The following ATOSA variants were observed in gnomAD, a reference collection of about 807,000 sequenced individuals.
The protein encoded by ATOSA is atos homolog protein A.
At chr15:52,688,426 A>G in the ATOSA span, among the ~76,000 whole-genome samples, 5 of 152,196 alleles carry the variant, frequency 3.3e-5, no homozygotes, top group Non-Finnish European at 7.4e-5. Context: ...TTTAGGAGGT[A>G]GAAGTGATAG....
At chr15:52,700,167 G>A in the ATOSA span, among the ~76,000 whole-genome samples, 1 of 152,082 alleles carries the variant, frequency 6.6e-6, no homozygotes, top group Non-Finnish European at 1.5e-5. Flanking sequence ...ACAACTCTAT[G>A]ATCTTCTTGG....
chr15:52,620,845 G>A, the ATOSA span, among the ~76,000 whole-genome samples: 1 of 152,194 alleles, frequency 6.6e-6, no homozygotes, highest in Admixed American at 6.5e-5. Context: ...GGCAGAGGAA[G>A]GAGGATCACT....
At chr15:52,649,672 T>A in the ATOSA span, 1 of 152,078 alleles carries the variant, frequency 6.6e-6, no homozygotes, top group African/African-American at 2.4e-5. Context: ...TTTAAAGATA[T>A]GACATAGACA....
chr15:52,639,410 C>A, the ATOSA span, among the ~76,000 whole-genome samples: 2 of 152,158 alleles, frequency 1.3e-5, no homozygotes, highest in Admixed American at 1.3e-4. Flanking sequence ...CTGGACTAGA[C>A]TACTGAATAT....
chr15:52,608,025 C>T, the ATOSA span, among the ~76,000 whole-genome samples: 146 of 152,224 alleles, frequency 9.6e-4, no homozygotes, highest in African/African-American at 3.5e-3. Context: ...GGCCTACAGG[C>T]ATGTACCACC....
the ATOSA span, among the ~76,000 whole-genome samples, chr15:52,662,203 G>C: frequency 6.6e-6 from 1 of 152,030 alleles, no homozygotes; most frequent in Non-Finnish European, 1.5e-5. Flanking sequence ...GTGTTTATCT[G>C]GTTGGAGAGA....
chr15:52,665,073 C>G, the ATOSA span, among the ~76,000 whole-genome samples: 1 of 152,210 alleles, frequency 6.6e-6, no homozygotes, highest in East Asian at 1.9e-4. Flanking sequence ...TATACATGGA[C>G]ATAGAAGTGG....
the ATOSA span, chr15:52,587,256 T>G: frequency 6.4e-7 from 1 of 1,555,084 alleles, no homozygotes; most frequent in Non-Finnish European, 8.8e-7. Context: ...TACAAACTGA[T>G]GCATATGTAC....
chr15:52,595,428 T>C, the ATOSA span, among the ~76,000 whole-genome samples: 1 of 152,192 alleles, frequency 6.6e-6, no homozygotes, highest in Non-Finnish European at 1.5e-5. Context: ...CAAAAATGTT[T>C]ATGGATTAAG....
the ATOSA span, chr15:52,609,185 A>C: frequency 6.2e-7 from 1 of 1,613,432 alleles, no homozygotes; most frequent in Non-Finnish European, 8.5e-7. Flanking sequence ...TGTTTCAAAG[A>C]ACACTTTTCT....
At chr15:52,641,827 T>C in the ATOSA span, among the ~76,000 whole-genome samples, 2 of 152,352 alleles carry the variant, frequency 1.3e-5, no homozygotes, top group Admixed American at 6.5e-5. Context: ...CTCTTTGAAA[T>C]AGTAACTCTG....
At chr15:52,693,489 A>G in the ATOSA span, among the ~76,000 whole-genome samples, 1 of 152,216 alleles carries the variant, frequency 6.6e-6, no homozygotes. Context: ...GGTTGGATAT[A>G]TGATCAACAT....
At chr15:52,612,833 A>C in the ATOSA span, among the ~76,000 whole-genome samples, 5 of 152,112 alleles carry the variant, frequency 3.3e-5, no homozygotes, top group Non-Finnish European at 5.9e-5. Context: ...AGAGTTTACA[A>C]TTTTGGATCA....
chr15:52,597,363 G>C, the ATOSA span, among the ~76,000 whole-genome samples: 1 of 152,126 alleles, frequency 6.6e-6, no homozygotes, highest in Admixed American at 6.5e-5. Context: ...TAACCCCGAA[G>C]TGGTGACAAC....
the ATOSA span, chr15:52,613,562 G>C: frequency 1.5e-5 from 19 of 1,247,412 alleles, no homozygotes; most frequent in Non-Finnish European, 2.0e-5. Context: ...TTATGATTAT[G>C]ATCAATTTTA....
chr15:52,677,892 CA>C, the ATOSA span: 15 of 1,382,016 alleles, frequency 1.1e-5, no homozygotes, highest in East Asian at 3.4e-4. Flanking sequence ...AACAGATAAT[CA>C]CATATGATAC....
At chr15:52,584,741 T>C in the ATOSA span, 5 of 1,604,596 alleles carry the variant, frequency 3.1e-6, no homozygotes, top group African/African-American at 5.4e-5. Context: ...ATTTGAAGCA[T>C]TACCTCAGAT....
At chr15:52,691,348 A>G in the ATOSA span, among the ~76,000 whole-genome samples, 2 of 152,222 alleles carry the variant, frequency 1.3e-5, no homozygotes, top group Non-Finnish European at 2.9e-5. Flanking sequence ...TCAACTAAAT[A>G]GGTTGCAGTT....
the ATOSA span, chr15:52,608,783 G>C: frequency 6.2e-7 from 1 of 1,604,688 alleles, no homozygotes; most frequent in African/African-American, 1.3e-5. Flanking sequence ...CATGTCTTAG[G>C]CCTTTTTGAG....
Sources: gnomAD v4.1 joint callset for allele counts (sites outside exome capture counted in the v4.1 genomes callset) on GRCh38, gnomAD v4.1.1 for gene constraint, MANE v1.5 for transcripts, NCBI Gene and HGNC (gene_info 2026-07-23, HGNC 2026-07-21) for gene names.